The following CIDEA variants were observed in gnomAD, a reference collection of about 807,000 sequenced individuals.
CIDEA encodes the protein cell death inducing DFFA like effector a.
Under a neutral mutation model 18.2 loss-of-function variants are expected in CIDEA, and 10 were observed. The ratio of observed to expected loss-of-function variants is 0.55; its 90% confidence interval spans 0.34 to 0.93. CIDEA has a LOEUF of 0.93. Among genes scored for constraint, CIDEA ranks in the 40% least tolerant of loss-of-function variants. The pLI is 0.02. For synonymous variants in CIDEA, 128 were observed against 124.8 expected (o/e 1.03, Z -0.17); for missense variants, 309 against 293.1 (o/e 1.05, Z -0.40).
chr18:12,274,095 C>A lies in CIDEA; in HGVS notation c.333C>A (p.Gly111=), dbSNP rs773217287. The A allele has an allele frequency of 1.2e-6, 2 of 1,614,096 alleles. No homozygotes were observed. The highest frequency in any genetic ancestry group is 4.5e-5 in the East Asian group (2 of 44,886). The change falls in exon 4 of 5, where the codon GGC becomes GGA. Residue 111 remains glycine (G), a splice_region_variant and synonymous_variant. Transcript: ENST00000320477. ...ILEKGQKWMP[G]SQHVPTCSPP... ...TGCCCCTCCCCCCATTGTCACAGGGCAGCCAGCACGTCCCCACTTGCTCGC... is the reference window on the plus strand; with the variant it reads ...TGCCCCTCCCCCCATTGTCACAGGGAAGCCAGCACGTCCCCACTTGCTCGC...
chr18:12,262,931 G>A lies in CIDEA; in HGVS notation c.145G>A (p.Gly49Arg), dbSNP rs765851900. ...CAACCATGACAGGAGCAGCCGGCGT[G>A]GGGTGATGGCAAGCAGCCTGCAGGA... The part of the protein sequence containing the change: ...VSNHDRSSRR[G>R]VMASSLQELI... The change falls in exon 2 of 5, where the codon GGG becomes AGG. Residue 49 changes from glycine (G) to arginine (R), a missense_variant. Transcript: ENST00000320477. 13 of 1,614,022 alleles carry A rather than the reference G, an allele frequency of 8.1e-6. No homozygotes were observed. The highest frequency in any genetic ancestry group is 1.1e-5 in the Non-Finnish European group (13 of 1,180,026).
At chr18:12,254,926 GA>G (rs1568099051) in intron 1 of CIDEA, 2 of 1,247,528 alleles carry the variant, frequency 1.6e-6, no homozygotes. Flanking sequence ...TCTCCGAGGG[GA>G]GGCCCCAACC....
At chr18:12,272,169 G>C (rs1912563376) in intron 3 of CIDEA, among the ~76,000 whole-genome samples, 3 of 11,082 alleles carry the variant, frequency 2.7e-4, no homozygotes, top group Non-Finnish European at 1.6e-3. Context: ...GGGTTGGGGG[G>C]GGGTTGTTGT....
chr18:12,277,251 G>T lies in CIDEA; in HGVS notation c.641G>T (p.Gly214Val). 6.2e-7 allele frequency: 1 copy of T among 1,614,162 alleles called. No homozygotes were observed. Among genetic ancestry groups the T allele is most frequent in the Non-Finnish European group, 8.5e-7 (1 of 1,180,032 alleles). The change falls in exon 5 of 5, where the codon GGC becomes GTC. Residue 214 changes from glycine to valine, a missense_variant. Transcript: ENST00000320477. ...CCATCCCTCCGGTCACAAGCCAAGG[G>T]CAGGTTCACGTGTGGATAGGGATGC... ...ERPSLRSQAK[G>V]RFTCG
chr18:12,264,666 G>A (rs1049111157), intron 3 of CIDEA, among the ~76,000 whole-genome samples: 9 of 151,886 alleles, frequency 5.9e-5, no homozygotes, highest in African/African-American at 1.9e-4. Context: ...CCATTCTCCT[G>A]CCTCAGCCTC....
chr18:12,255,580 A>C (rs1382086066), intron 1 of CIDEA, among the ~76,000 whole-genome samples: 1 of 152,132 alleles, frequency 6.6e-6, no homozygotes, highest in East Asian at 1.9e-4. Context: ...TTCTTCCAGA[A>C]CCATCCACAC....
rs1912402531 is a variant in CIDEA at position 12,268,106 on chromosome 18, C to G, written c.330+3653C>G. Among the ~76,000 whole-genome samples, 3 of 151,884 alleles carry G rather than the reference C, an allele frequency of 2.0e-5. No homozygotes were observed. The South Asian group carries it at 6.2e-4, about 32-fold the overall frequency. On this transcript the variant is annotated intron_variant, in intron 3 of 4. Transcript: ENST00000320477. ...TTGAGATGGAGTCTCGCTCTGTCGC[C>G]CAGGCTGGAGTGCAGTGGCGCGATC...
intron 3 of CIDEA, among the ~76,000 whole-genome samples, chr18:12,265,787 G>A (rs1912331543): frequency 6.6e-6 from 1 of 152,120 alleles, no homozygotes; most frequent in Non-Finnish European, 1.5e-5. Context: ...CACAATGCAA[G>A]TTCACAATCA....
At chr18:12,259,602 C>G (rs139846157) in intron 1 of CIDEA, among the ~76,000 whole-genome samples, 117 of 152,336 alleles carry the variant, frequency 7.7e-4, no homozygotes, top group African/African-American at 2.7e-3. Flanking sequence ...TGGTGCACAC[C>G]TGTAATCCCA....
chr18:12,265,828 A>G (rs543734317), intron 3 of CIDEA, among the ~76,000 whole-genome samples: 93 of 152,260 alleles, frequency 6.1e-4, no homozygotes, highest in African/African-American at 1.8e-3. Context: ...CAGGCACCAC[A>G]TTCATGAGAG....
At chr18:12,257,417 T>C (rs908780099) in intron 1 of CIDEA, among the ~76,000 whole-genome samples, 1 of 152,206 alleles carries the variant, frequency 6.6e-6, no homozygotes, top group African/African-American at 2.4e-5. Context: ...TGGGCCCTTT[T>C]CCTCCATAGG....
intron 3 of CIDEA, among the ~76,000 whole-genome samples, chr18:12,272,656 G>A (rs1912584413): frequency 6.6e-6 from 1 of 151,624 alleles, no homozygotes; most frequent in Non-Finnish European, 1.5e-5. Flanking sequence ...CCTCAGCTTT[G>A]ATTTTTAAAG....
chr18:12,271,912 C>G (rs1187792692), intron 3 of CIDEA, among the ~76,000 whole-genome samples: 1 of 152,070 alleles, frequency 6.6e-6, no homozygotes, highest in African/African-American at 2.4e-5. Flanking sequence ...GGATCCGCGG[C>G]GGGAGGGCGT....
chr18:12,254,367 G>A lies in CIDEA; in HGVS notation c.-17G>A, dbSNP rs777538235. ...TGCAGGCAGACAGACCTCCAGGCCCGCTAGGGGATCCGCGCCATGGAGGCC... is the reference window on the plus strand; with the variant it reads ...TGCAGGCAGACAGACCTCCAGGCCCACTAGGGGATCCGCGCCATGGAGGCC... On this transcript the variant is annotated 5_prime_UTR_variant, in exon 1 of 5. Transcript: ENST00000320477. 5 of 1,525,684 alleles carry A rather than the reference G, an allele frequency of 3.3e-6. No homozygotes were observed. Among genetic ancestry groups the A allele is most frequent in the South Asian group, 1.3e-5 (1 of 77,476 alleles). 94.5% of individuals were successfully genotyped at this position (1,525,684 alleles called of 1,614,324 possible).
At chr18:12,272,613 G>A (rs1171807994) in intron 3 of CIDEA, among the ~76,000 whole-genome samples, 1 of 152,198 alleles carries the variant, frequency 6.6e-6, no homozygotes, top group Non-Finnish European at 1.5e-5. Flanking sequence ...CTCCCAAAGT[G>A]CTGGGATTAC....
At chr18:12,270,149 A>G (rs1036794024) in intron 3 of CIDEA, among the ~76,000 whole-genome samples, 1 of 152,210 alleles carries the variant, frequency 6.6e-6, no homozygotes, top group Non-Finnish European at 1.5e-5. Flanking sequence ...TGTGCTAAAA[A>G]TAGAGAAAAG....
intron 2 of CIDEA, 116 bp downstream of exon 2, chr18:12,263,085 C>G: frequency 9.5e-7 from 1 of 1,048,894 alleles, no homozygotes; most frequent in Non-Finnish European, 1.3e-6. Flanking sequence ...AAAGCAGCAT[C>G]TCACTGGGGG....
At chr18:12,255,141 C>T (rs1352495835) in intron 1 of CIDEA, among the ~76,000 whole-genome samples, 1 of 152,238 alleles carries the variant, frequency 6.6e-6, no homozygotes, top group African/African-American at 2.4e-5. Flanking sequence ...CATATCCCAA[C>T]AGACCCAAGC....
At chr18:12,264,698 C>G (rs554496076) in intron 3 of CIDEA, among the ~76,000 whole-genome samples, 1 of 152,142 alleles carries the variant, frequency 6.6e-6, no homozygotes, top group African/African-American at 2.4e-5. Context: ...GGACTACAGG[C>G]ACCCGCCACC....
Sources: allele counts gnomAD v4.1 joint callset (sites outside exome capture counted in the v4.1 genomes callset), GRCh38; gene constraint gnomAD v4.1.1; transcripts MANE v1.5; gene names NCBI Gene and HGNC (gene_info 2026-07-23, HGNC 2026-07-21).